TSPAN5: variants seen among roughly 807,000 people sequenced by gnomAD.
The protein encoded by TSPAN5 is tetraspanin-5.
TSPAN5 carries 10 observed loss-of-function variants against 37.1 expected under a neutral mutation model. The observed-to-expected ratio is 0.27, with a 90% CI of 0.17 to 0.46. The LOEUF is 0.46. Ranked by LOEUF, TSPAN5 falls within the 20% of genes least tolerant of loss-of-function variation. The pLI is 1.00. For synonymous variants in TSPAN5, 110 were observed against 118.9 expected (o/e 0.93, Z 0.48); for missense variants, 195 against 326.6 (o/e 0.60, Z 3.11).
chr4:98,557,756 G>C (rs1754785355), intron 1 of TSPAN5, among the ~76,000 whole-genome samples: 1 of 152,198 alleles, frequency 6.6e-6, no homozygotes. Context: ...GATCACATCA[G>C]TGATAAGTCA....
intron 1 of TSPAN5, among the ~76,000 whole-genome samples, chr4:98,636,150 C>T (rs1012395007): frequency 6.6e-5 from 10 of 152,198 alleles, no homozygotes; most frequent in Non-Finnish European, 1.5e-4. Flanking sequence ...AAGCGCAAAG[C>T]TACAGAGTCA....
At chr4:98,581,936 A>G (rs1362351869) in intron 1 of TSPAN5, among the ~76,000 whole-genome samples, 2 of 152,168 alleles carry the variant, frequency 1.3e-5, no homozygotes, top group African/African-American at 2.4e-5. Flanking sequence ...ATGATTCTGT[A>G]TGGCAGATGC....
chr4:98,592,435 T>TTG (rs1579015496), intron 1 of TSPAN5, among the ~76,000 whole-genome samples: 3 of 147,874 alleles, frequency 2.0e-5, no homozygotes, highest in East Asian at 3.9e-4. Context: ...TTTGTTTTTT[T>TTG]TTTTTTTTTT....
At chr4:98,612,305 G>A in intron 1 of TSPAN5, among the ~76,000 whole-genome samples, 1 of 152,148 alleles carries the variant, frequency 6.6e-6, no homozygotes. Flanking sequence ...CAAAAGGGTT[G>A]TAGGTGAATG....
At chr4:98,626,642 G>A (rs746333695) in intron 1 of TSPAN5, among the ~76,000 whole-genome samples, 3 of 152,128 alleles carry the variant, frequency 2.0e-5, no homozygotes, top group Non-Finnish European at 2.9e-5. Context: ...TGCCGGGACC[G>A]CTTTCCTGCA....
chr4:98,551,322 T>A (rs551539031), intron 1 of TSPAN5, among the ~76,000 whole-genome samples: 1 of 152,162 alleles, frequency 6.6e-6, no homozygotes, highest in Non-Finnish European at 1.5e-5. Flanking sequence ...TCATCAGGGA[T>A]ATTGGCCTCT....
intron 2 of TSPAN5, among the ~76,000 whole-genome samples, chr4:98,491,889 T>C (rs774977510): frequency 2.6e-5 from 4 of 151,268 alleles, no homozygotes; most frequent in East Asian, 1.9e-4. Context: ...TAATTAAACC[T>C]TGTAGTTGAC....
chr4:98,473,622 G>A (rs1334699422), intron 7 of TSPAN5, among the ~76,000 whole-genome samples: 1 of 151,980 alleles, frequency 6.6e-6, no homozygotes, highest in African/African-American at 2.4e-5. Flanking sequence ...ACCGCGCCCG[G>A]CTAATTTTTT....
chr4:98,514,421 G>A (rs1753685482), intron 1 of TSPAN5, among the ~76,000 whole-genome samples: 1 of 152,174 alleles, frequency 6.6e-6, no homozygotes, highest in Admixed American at 6.5e-5. Flanking sequence ...AAAAACCTCT[G>A]GGGATAATTC....
intron 1 of TSPAN5, among the ~76,000 whole-genome samples, chr4:98,649,860 G>A (rs1757147037): frequency 1.3e-5 from 2 of 152,120 alleles, no homozygotes; most frequent in South Asian, 4.2e-4. Context: ...CATTAATAGA[G>A]GTGTGTCCAA....
chr4:98,494,308 A>G (rs1359924595), intron 2 of TSPAN5, among the ~76,000 whole-genome samples: 1 of 152,010 alleles, frequency 6.6e-6, no homozygotes, highest in Non-Finnish European at 1.5e-5. Context: ...CTGGGATCCA[A>G]GTAAATCCAA....
At chr4:98,521,682 C>T (rs7688849) in intron 1 of TSPAN5, among the ~76,000 whole-genome samples, 32,266 of 152,154 alleles carry the variant, frequency 0.21, 3,557 homozygotes, top group South Asian at 0.25. Context: ...GTTCTCCAGC[C>T]CCCTGGCTTG....
At chr4:98,501,635 G>A (rs1201613107) in intron 2 of TSPAN5, among the ~76,000 whole-genome samples, 1 of 152,216 alleles carries the variant, frequency 6.6e-6, no homozygotes, top group African/African-American at 2.4e-5. Flanking sequence ...CCAGTCAGGG[G>A]CAAGTGCAAA....
chr4:98,513,933 T>C (rs1753673878), intron 1 of TSPAN5, among the ~76,000 whole-genome samples: 1 of 152,102 alleles, frequency 6.6e-6, no homozygotes, highest in Admixed American at 6.6e-5. Flanking sequence ...CCTAGACAAT[T>C]CTTAAATTGA....
chr4:98,629,055 C>T (rs1178411193), intron 1 of TSPAN5, among the ~76,000 whole-genome samples: 2 of 152,096 alleles, frequency 1.3e-5, no homozygotes, highest in Non-Finnish European at 2.9e-5. Context: ...AACTAGCCAT[C>T]ATAGTTATTT....
intron 1 of TSPAN5, among the ~76,000 whole-genome samples, chr4:98,567,548 CCTT>C (rs1362325387): frequency 3.9e-5 from 6 of 152,194 alleles, no homozygotes; most frequent in African/African-American, 1.4e-4. Flanking sequence ...CATTATTATG[CCTT>C]TTTTCAGTGG....
intron 1 of TSPAN5, among the ~76,000 whole-genome samples, chr4:98,556,738 C>T (rs1560536241): frequency 6.6e-6 from 1 of 152,036 alleles, no homozygotes; most frequent in Non-Finnish European, 1.5e-5. Flanking sequence ...TCTATTAGCC[C>T]ATTTTATTTT....
In TSPAN5 at chr4:98,576,006, T is replaced by C. The variant is rs371599229; in HGVS notation, c.82-68278A>G. The stretch of plus-strand genomic sequence containing the variant: ...ATTGCTTGAACCTGGGAGGCACAGA[T>C]TGCAGTAAGCTGAGATGGCACCACT... On this transcript the variant is annotated intron_variant, in intron 1 of 7. Coordinates refer to ENST00000305798, the MANE Select transcript of TSPAN5 (RefSeq NM_005723.4). Among the ~76,000 whole-genome samples, 110 of 152,128 alleles carry C rather than the reference T, an allele frequency of 7.2e-4. 1 individual carries two copies. The South Asian group carries it at 0.018, about 24-fold the overall frequency.
intron 1 of TSPAN5, among the ~76,000 whole-genome samples, chr4:98,555,205 AC>A (rs1754714172): frequency 1.3e-5 from 2 of 152,240 alleles, no homozygotes; most frequent in South Asian, 4.1e-4. Flanking sequence ...ACCATACGAT[AC>A]TTCATAATCC....
Sources: allele counts gnomAD v4.1 joint callset (sites outside exome capture counted in the v4.1 genomes callset), GRCh38; gene constraint gnomAD v4.1.1; transcripts MANE v1.5; gene names NCBI Gene and HGNC (gene_info 2026-07-23, HGNC 2026-07-21).